ZNF710: variants seen among roughly 807,000 people sequenced by gnomAD.
ZNF710 encodes zinc finger protein 710.
ZNF710 carries 13 observed loss-of-function variants against 50.6 expected under a neutral mutation model. That is an observed-to-expected ratio of 0.26 (90% CI 0.17 to 0.41). The LOEUF is 0.41. Among genes scored for constraint, ZNF710 ranks in the 10% least tolerant of loss-of-function variants. ZNF710 has a pLI of 1.00. For missense variants in ZNF710, 721 were observed against 936.6 expected (o/e 0.77, Z 3.01); for synonymous variants, 383 against 397.0 (o/e 0.96, Z 0.42).
At chr15:90,039,090 C>T (rs1899221914) in intron 1 of ZNF710, among the ~76,000 whole-genome samples, 1 of 152,104 alleles carries the variant, frequency 6.6e-6, no homozygotes, top group South Asian at 2.1e-4. Flanking sequence ...ACCAGCCTGG[C>T]CAACATAGTG....
Position 90,067,482 on chromosome 15 carries a change from G to T in ZNF710, c.345G>T (p.Glu115Asp). 6.2e-7 allele frequency: 1 copy of T among 1,613,428 alleles called. No individual in the cohort carries two copies. Among genetic ancestry groups the T allele is most frequent in the Non-Finnish European group, 8.5e-7 (1 of 1,179,662 alleles). The part of the protein sequence containing the change: ...LVPKVKFEKV[E>D]EEEQEVYEVS... ...CCAAGGTCAAGTTCGAGAAGGTGGA[G>T]GAGGAGGAACAGGAGGTCTATGAGG... The change falls in exon 2 of 5, where the codon GAG (glutamate) becomes GAT (aspartate). Residue 115 changes from glutamate to aspartate, a missense_variant. Physicochemically the swap from Glu to Asp is conservative, Grantham distance 45 (BLOSUM62 2). Transcript: ENST00000268154. The surrounding 1 kb of genome is among the most constrained non-coding windows in gnomAD (Gnocchi z 8.1).
chr15:90,064,830 C>A (rs1900117606), intron 1 of ZNF710, among the ~76,000 whole-genome samples: 1 of 152,188 alleles, frequency 6.6e-6, no homozygotes, highest in African/African-American at 2.4e-5. Flanking sequence ...TATAATGAAC[C>A]AAGCTGCTTC....
intron 1 of ZNF710, among the ~76,000 whole-genome samples, chr15:90,038,169 T>C (rs1899186820): frequency 6.6e-6 from 1 of 152,208 alleles, no homozygotes; most frequent in Admixed American, 6.5e-5. Context: ...GCCATGCAGA[T>C]CAGGAGCACT....
At chr15:90,058,977 G>A (rs540998859) in intron 1 of ZNF710, among the ~76,000 whole-genome samples, 1 of 152,294 alleles carries the variant, frequency 6.6e-6, no homozygotes, top group Non-Finnish European at 1.5e-5. Flanking sequence ...GATTGTAAAT[G>A]TGAGTCACAT....
chr15:90,028,042 T>C (rs1477473121), intron 1 of ZNF710, among the ~76,000 whole-genome samples: 5 of 152,172 alleles, frequency 3.3e-5, no homozygotes, highest in African/African-American at 4.8e-5. Flanking sequence ...AAGAAATTAA[T>C]GAATGCAATA....
intron 1 of ZNF710, among the ~76,000 whole-genome samples, chr15:90,006,485 G>A (rs1433402211): frequency 6.6e-6 from 1 of 152,196 alleles, no homozygotes; most frequent in Non-Finnish European, 1.5e-5. Flanking sequence ...CCGTCCTCGT[G>A]AAGCTTGCAG....
chr15:90,063,930 T>A (rs769623374), intron 1 of ZNF710, among the ~76,000 whole-genome samples: 3 of 152,144 alleles, frequency 2.0e-5, no homozygotes, highest in Non-Finnish European at 4.4e-5. Flanking sequence ...GTCAGGAGCC[T>A]CTTCCCCCCC....
rs1340464599 is a variant in ZNF710 at position 90,068,463 on chromosome 15, G to A, written c.1326G>A (p.Lys442=). ...PTLYQCLECD[K]SFHYRSQLQN... ...TCTACCAGTGCCTCGAGTGTGACAAGTCCTTCCACTACCGCAGCCAGTTGC... is the reference window on the plus strand; with the variant it reads ...TCTACCAGTGCCTCGAGTGTGACAAATCCTTCCACTACCGCAGCCAGTTGC... Residue 442 remains lysine, a synonymous_variant, in exon 2 of 5, where the codon AAG becomes AAA. Coordinates refer to ENST00000268154, the MANE Select transcript of ZNF710 (RefSeq NM_198526.4). This position sits in a 1 kb window ranked among gnomAD's most constrained non-coding sequence, Gnocchi z 5.0. The A allele has an allele frequency of 1.2e-6, 2 of 1,614,138 alleles. No homozygotes were observed. The highest frequency in any genetic ancestry group is 3.3e-5 in the Admixed American group (2 of 60,034).
At chr15:90,043,916 C>T (rs1364982029) in intron 1 of ZNF710, among the ~76,000 whole-genome samples, 3 of 150,538 alleles carry the variant, frequency 2.0e-5, no homozygotes, top group Non-Finnish European at 4.4e-5. Flanking sequence ...CTTTTTTTTT[C>T]CCCTCTTGCC....
chr15:90,041,180 CT>C (rs1899284978), intron 1 of ZNF710, among the ~76,000 whole-genome samples: 1 of 150,986 alleles, frequency 6.6e-6, no homozygotes, highest in African/African-American at 2.4e-5. Flanking sequence ...CAGTTAAATT[CT>C]TTTCTTTTCT....
chr15:90,048,155 A>T (rs148574231), intron 1 of ZNF710, among the ~76,000 whole-genome samples: 1 of 152,230 alleles, frequency 6.6e-6, no homozygotes, highest in African/African-American at 2.4e-5. Context: ...AAGAGCCCAC[A>T]CAGGTGCTGC....
intron 3 of ZNF710, 31 bp downstream of exon 3, chr15:90,073,293 C>T (rs1900458063): frequency 6.2e-7 from 1 of 1,601,590 alleles, no homozygotes; most frequent in African/African-American, 1.3e-5. Flanking sequence ...GGGGCTGGGA[C>T]CTCCCCGAGG....
upstream of ZNF710, among the ~76,000 whole-genome samples, chr15:90,000,856 CT>C (rs1454409149): frequency 1.3e-5 from 2 of 152,108 alleles, no homozygotes; most frequent in Non-Finnish European, 2.9e-5. Context: ...CCTGGCTTCC[CT>C]TGGGGGGGGC....
At chr15:90,018,695 G>T (rs1341818690) in intron 1 of ZNF710, among the ~76,000 whole-genome samples, 1 of 152,178 alleles carries the variant, frequency 6.6e-6, no homozygotes, top group East Asian at 1.9e-4. Context: ...GACTGGAAGG[G>T]CCCACACAGG....
chr15:90,048,407 C>T (rs1899533925), intron 1 of ZNF710, among the ~76,000 whole-genome samples: 1 of 152,248 alleles, frequency 6.6e-6, no homozygotes, highest in African/African-American at 2.4e-5. Context: ...TGCTTCAGAG[C>T]CAGGACGAAG....
intron 1 of ZNF710, among the ~76,000 whole-genome samples, chr15:90,043,823 CT>C (rs796998964): frequency 2.6e-4 from 39 of 152,254 alleles, no homozygotes; most frequent in African/African-American, 9.4e-4. Context: ...TCACTTTTGC[CT>C]TTCATTCTGA....
chr15:90,021,017 C>CCCG (rs999752547), intron 1 of ZNF710, among the ~76,000 whole-genome samples: 4 of 106,822 alleles, frequency 3.7e-5, no homozygotes, highest in African/African-American at 1.3e-4. Context: ...GCACCCCCCC[C>CCCG]CCCTTAGCAG....
At chr15:90,073,976 TGA>T (rs1051865276) in intron 3 of ZNF710, 138 bp from the exon 4 acceptor site, 1 of 925,952 alleles carries the variant, frequency 1.1e-6, no homozygotes, top group African/African-American at 2.1e-5. Flanking sequence ...GACAACAGAG[TGA>T]GAGTCTGTCT....
chr15:90,045,315 G>A, intron 1 of ZNF710: 1 of 985,406 alleles, frequency 1.0e-6, no homozygotes. Flanking sequence ...AACTGGAACA[G>A]CAGAAAGAAG....
Sources: gnomAD v4.1 joint callset for allele counts (sites outside exome capture counted in the v4.1 genomes callset) on GRCh38, gnomAD v4.1.1 for gene constraint, Gnocchi (gnomAD v3.1) non-coding constraint, MANE v1.5 for transcripts, NCBI Gene and HGNC (gene_info 2026-07-23, HGNC 2026-07-21) for gene names.